The following CNNM2 variants were observed in gnomAD, a reference collection of about 807,000 sequenced individuals.
CNNM2 encodes cyclin and CBS domain divalent metal cation transport mediator 2.
Under a neutral mutation model 66.9 loss-of-function variants are expected in CNNM2, and 12 were observed. The ratio of observed to expected loss-of-function variants is 0.18; its 90% CI spans 0.11 to 0.29. The LOEUF (loss-of-function observed/expected upper bound fraction) is 0.29. Ranked by LOEUF, CNNM2 falls within the 10% of genes least tolerant of loss-of-function variation. CNNM2 has a pLI of 1.00. For synonymous variants in CNNM2, 557 were observed against 501.8 expected (o/e 1.11, Z -1.47); for missense variants, 705 against 1,167.7 (o/e 0.60, Z 5.77).
Position 103,088,688 on chromosome 10 carries a change from T to C in CNNM2, c.*11508T>C, listed in dbSNP as rs1003387695. 2.4e-4 allele frequency: 43 copies of C among 175,882 alleles called. 1 individual carries two copies. Among genetic ancestry groups the C allele is most frequent in the Admixed American group, 6.3e-5 (1 of 15,796 alleles). 10.9% of individuals were successfully genotyped at this position (175,882 alleles called of 1,614,324 possible). On this transcript the variant is annotated 3_prime_UTR_variant, in exon 8 of 8. Transcript: ENST00000369878. The stretch of plus-strand genomic sequence containing the variant: ...AGGCGTGAGCCGCCGTGCCTGGCCT[T>C]GACTTGAGATTCTGAAGTGAATTTA...
intron 1 of CNNM2, among the ~76,000 whole-genome samples, chr10:103,015,070 T>C (rs1284621151): frequency 6.6e-6 from 1 of 152,070 alleles, no homozygotes; most frequent in Non-Finnish European, 1.5e-5. Flanking sequence ...AACCAGAACA[T>C]ATACTCATGA....
chr10:103,051,531 G>A (rs2134332563), intron 2 of CNNM2, among the ~76,000 whole-genome samples: 1 of 151,176 alleles, frequency 6.6e-6, no homozygotes, highest in East Asian at 2.0e-4. Context: ...ACTTGAGTTC[G>A]GGAGTTAGAG....
At chr10:102,943,292 G>A (rs1234275293) in intron 1 of CNNM2, among the ~76,000 whole-genome samples, 1 of 152,096 alleles carries the variant, frequency 6.6e-6, no homozygotes, top group Non-Finnish European at 1.5e-5. Context: ...GCTGGGCATG[G>A]TGGCATGCAC....
chr10:102,980,521 T>G (rs929780655), intron 1 of CNNM2, among the ~76,000 whole-genome samples: 1 of 152,102 alleles, frequency 6.6e-6, no homozygotes, highest in Non-Finnish European at 1.5e-5. Flanking sequence ...CTGCCCGCCT[T>G]GGGCTCCAGA....
At chr10:103,075,102 A>G (rs1564872566) in intron 6 of CNNM2, among the ~76,000 whole-genome samples, 1 of 152,228 alleles carries the variant, frequency 6.6e-6, no homozygotes, top group Non-Finnish European at 1.5e-5. Context: ...TTGGATGGGC[A>G]CAATGACAAA....
At chr10:102,982,980 A>G (rs761527609) in intron 1 of CNNM2, among the ~76,000 whole-genome samples, 2 of 152,222 alleles carry the variant, frequency 1.3e-5, no homozygotes, top group African/African-American at 2.4e-5. Context: ...TTCCTTAAAC[A>G]TGAGTTTACT....
chr10:102,931,556 C>T (rs1003697527), intron 1 of CNNM2, among the ~76,000 whole-genome samples: 3 of 152,032 alleles, frequency 2.0e-5, no homozygotes, highest in African/African-American at 7.2e-5. Flanking sequence ...GGGGTTTCTC[C>T]ATGTTGGTCA....
intron 1 of CNNM2, among the ~76,000 whole-genome samples, chr10:102,968,523 A>G (rs957602256): frequency 7.3e-5 from 11 of 150,800 alleles, no homozygotes; most frequent in African/African-American, 2.4e-4. Context: ...GGGATTACAG[A>G]TGTGAGCCAC....
At chr10:103,036,978 CTG>C (rs1348071251) in intron 1 of CNNM2, among the ~76,000 whole-genome samples, 20 of 152,132 alleles carry the variant, frequency 1.3e-4, no homozygotes, top group African/African-American at 4.6e-4. Context: ...GGTTGTGACT[CTG>C]TGCTGTAGTT....
At chr10:102,940,567 T>C (rs1041247811) in intron 1 of CNNM2, among the ~76,000 whole-genome samples, 6 of 151,722 alleles carry the variant, frequency 4.0e-5, no homozygotes, top group Admixed American at 6.6e-5. Flanking sequence ...TACAGGTGCC[T>C]GCCACCATGC....
chr10:103,019,962 C>G (rs1229127788), intron 1 of CNNM2, among the ~76,000 whole-genome samples: 1 of 152,100 alleles, frequency 6.6e-6, no homozygotes. Flanking sequence ...TTCAATTTTT[C>G]CATTAGGTTC....
At chr10:103,019,553 C>T (rs2134283455) in intron 1 of CNNM2, among the ~76,000 whole-genome samples, 1 of 152,152 alleles carries the variant, frequency 6.6e-6, no homozygotes, top group Non-Finnish European at 1.5e-5. Flanking sequence ...GTATTTCAGC[C>T]TTTGGGTGTG....
At position 103,041,330 on chromosome 10, in the gene CNNM2, A is replaced by G. The variant is rs7092097; in HGVS notation, c.1622-8377A>G. On this transcript the variant is annotated intron_variant, in intron 1 of 7. Coordinates refer to ENST00000369878, the MANE Select transcript of CNNM2 (RefSeq NM_017649.5). ...GCTGTGTGTGTGTACCTATTCATTC[A>G]TTCATTCTTCATTGAAAAGGAAGAA... Among the ~76,000 whole-genome samples the G allele has an allele frequency of 0.049, 7,513 of 152,272 alleles. 188 individuals carry two copies. The highest frequency in any genetic ancestry group is 0.057 in the Non-Finnish European group (3,881 of 68,028).
At chr10:102,956,685 C>G (rs1590307073) in intron 1 of CNNM2, among the ~76,000 whole-genome samples, 2 of 152,114 alleles carry the variant, frequency 1.3e-5, no homozygotes, top group South Asian at 4.1e-4. Flanking sequence ...GTGGATGAAG[C>G]TGGAAACCAT....
At chr10:102,928,871 A>G (rs1845969570) in intron 1 of CNNM2, among the ~76,000 whole-genome samples, 1 of 152,206 alleles carries the variant, frequency 6.6e-6, no homozygotes, top group African/African-American at 2.4e-5. Context: ...AAACCATAGC[A>G]ATTGTTCTTG....
In CNNM2 at chr10:102,918,898, C is replaced by T; in HGVS notation, c.418C>T (p.Pro140Ser). 1 of 1,610,416 alleles carries T rather than the reference C, an allele frequency of 6.2e-7. No homozygotes were observed. The highest frequency in any genetic ancestry group is 8.5e-7 in the Non-Finnish European group (1 of 1,178,468). The change falls in exon 1 of 8, where the codon CCG becomes TCG. Residue 140 changes from proline to serine, a missense_variant. Physicochemically the swap from Pro to Ser is moderately conservative, Grantham distance 74. This residue lies in a region of CNNM2 where 100 missense variants were observed against 151.9 expected (regional missense o/e 0.66). Transcript: ENST00000369878. This position sits in a 1 kb window ranked among gnomAD's most constrained non-coding sequence, Gnocchi z 4.1. ...PGERGLGGPA[P>S]PEPDSGPQRC... ...GGAGCGCGGGCTGGGGGGCCCCGCG[C>T]CGCCAGAGCCGGACAGCGGCCCCCA... is the stretch of plus-strand genomic sequence containing the variant.
At chr10:102,973,136 G>GT (rs56922284) in intron 1 of CNNM2, among the ~76,000 whole-genome samples, 4,390 of 146,674 alleles carry the variant, frequency 0.03, 178 homozygotes, top group African/African-American at 0.09. Flanking sequence ...CATCAGTACG[G>GT]TTTTTTTTTT....
At position 103,087,110 on chromosome 10, in the gene CNNM2, TG is replaced by T. The variant is rs1166776863; in HGVS notation, c.*9932del. The T allele has an allele frequency of 1.4e-5, 2 of 147,208 alleles. No homozygotes were observed. Among genetic ancestry groups the T allele is most frequent in the Non-Finnish European group, 3.0e-5 (2 of 67,320 alleles). 9.1% of individuals were successfully genotyped at this position (147,208 alleles called of 1,614,324 possible). A position where few individuals can be genotyped will look rare whatever the true frequency, so the allele number is the denominator to read the frequency against. On this transcript the variant is annotated 3_prime_UTR_variant, in exon 8 of 8. Transcript: ENST00000369878. The stretch of plus-strand genomic sequence containing the variant: ...AAAATTCTCAAAAGAAGTGGCAGAA[TG>T]GTCTTCTCACGGTATAAAACTCCGC...
intron 1 of CNNM2, among the ~76,000 whole-genome samples, chr10:102,956,444 G>A (rs185053572): frequency 6.8e-4 from 103 of 152,210 alleles, no homozygotes; most frequent in Middle Eastern, 3.4e-3. Flanking sequence ...TAGAAATACC[G>A]TTTGACCCAG....
Sources: gnomAD v4.1 joint callset for allele counts (sites outside exome capture counted in the v4.1 genomes callset) on GRCh38, gnomAD v4.1.1 for gene constraint, gnomAD v4.1.1 regional missense constraint, Gnocchi (gnomAD v3.1) non-coding constraint, MANE v1.5 for transcripts, NCBI Gene and HGNC (gene_info 2026-07-23, HGNC 2026-07-21) for gene names.